Variants in PRDM10 observed in about 807,000 individuals in gnomAD.
PRDM10 encodes PR domain zinc finger protein 10.
PRDM10 carries 65 observed loss-of-function variants against 133.1 expected under a neutral mutation model. That is an observed-to-expected ratio of 0.49 (90% CI 0.40 to 0.60). The LOEUF (loss-of-function observed/expected upper bound fraction) is 0.60. Ranked by LOEUF, PRDM10 falls within the 20% of genes least tolerant of loss-of-function variation. The pLI is 0.00. For synonymous variants in PRDM10, 582 were observed against 580.4 expected (o/e 1.00, Z -0.04); for missense variants, 1,137 against 1,507.1 (o/e 0.75, Z 4.07).
intron 12 of PRDM10, among the ~76,000 whole-genome samples, chr11:129,924,065 AAG>A (rs1396767629): frequency 2.0e-5 from 3 of 152,258 alleles, no homozygotes. Context: ...TCCAATGAGA[AAG>A]AGCTGAGGAT....
chr11:129,942,300 A>C, intron 7 of PRDM10, 126 bp downstream of exon 7: 1 of 827,048 alleles, frequency 1.2e-6, no homozygotes, highest in Non-Finnish European at 1.9e-6. Flanking sequence ...GTATGTGAAT[A>C]ACCAGAAAAT....
intron 1 of PRDM10, among the ~76,000 whole-genome samples, chr11:129,993,701 G>T (rs1483622366): frequency 6.6e-6 from 1 of 152,078 alleles, no homozygotes; most frequent in Non-Finnish European, 1.5e-5. Context: ...AGCCAGGATG[G>T]TCTTGATCTC....
chr11:129,931,686 C>T (rs1165377155), intron 10 of PRDM10, among the ~76,000 whole-genome samples: 4 of 151,862 alleles, frequency 2.6e-5, no homozygotes, highest in Non-Finnish European at 5.9e-5. Flanking sequence ...CCTGCCTCCG[C>T]CTCCCGAGTA....
At chr11:129,988,554 G>A (rs749670379) in intron 1 of PRDM10, among the ~76,000 whole-genome samples, 19 of 150,772 alleles carry the variant, frequency 1.3e-4, no homozygotes, top group African/African-American at 9.8e-5. Context: ...TCTTAAATAA[G>A]TGAACTGCAT....
chr11:129,917,091 C>T, intron 15 of PRDM10, 36 bp downstream of exon 15: 2 of 1,492,128 alleles, frequency 1.3e-6, no homozygotes, highest in Non-Finnish European at 1.9e-6. Flanking sequence ...AGCAGGGAAC[C>T]CCAGTGGCAT....
chr11:129,958,263 CAA>C (rs1951733674), intron 2 of PRDM10, among the ~76,000 whole-genome samples: 2 of 152,146 alleles, frequency 1.3e-5, no homozygotes, highest in Non-Finnish European at 2.9e-5. Flanking sequence ...AAAAATACGT[CAA>C]GACTCAAAAG....
intron 4 of PRDM10, among the ~76,000 whole-genome samples, chr11:129,949,189 G>A (rs1176793583): frequency 6.6e-6 from 1 of 152,162 alleles, no homozygotes; most frequent in Admixed American, 6.5e-5. Context: ...TGCACCTCAG[G>A]GAAATAGACT....
At chr11:129,974,297 T>C (rs1937638894) in intron 1 of PRDM10, among the ~76,000 whole-genome samples, 1 of 151,026 alleles carries the variant, frequency 6.6e-6, no homozygotes, top group Non-Finnish European at 1.5e-5. Flanking sequence ...AAGAAGAAAC[T>C]AGGGGAAAGA....
chr11:129,902,265 T>A lies in PRDM10; in HGVS notation c.*48A>T. On this transcript the variant is annotated 3_prime_UTR_variant, in exon 21 of 21. Coordinates refer to ENST00000360871, the MANE Select transcript of PRDM10 (RefSeq NM_199437.2). ...CTACGTGTCAGAGCTTTCAGACTTA[T>A]GAGAACAGACATGAGGTGGGTGCTG... The A allele has an allele frequency of 6.3e-7, 1 of 1,588,022 alleles. No homozygotes were observed. The highest frequency in any genetic ancestry group is 8.6e-7 in the Non-Finnish European group (1 of 1,162,062).
intron 1 of PRDM10, among the ~76,000 whole-genome samples, chr11:129,996,746 G>A (rs1939084465): frequency 6.6e-6 from 1 of 152,236 alleles, no homozygotes; most frequent in Non-Finnish European, 1.5e-5. Context: ...ACAGTGGGAA[G>A]ACCAGTTTGA....
intron 1 of PRDM10, among the ~76,000 whole-genome samples, chr11:130,002,393 G>A (rs957021545): frequency 3.8e-4 from 58 of 152,122 alleles, no homozygotes; most frequent in Admixed American, 1.4e-3. Flanking sequence ...GCTGAACGCG[G>A]CGCCAGGAGG....
chr11:129,975,127 C>T (rs1253051111), intron 1 of PRDM10, among the ~76,000 whole-genome samples: 1 of 152,046 alleles, frequency 6.6e-6, no homozygotes, highest in Non-Finnish European at 1.5e-5. Context: ...GTACTTAATG[C>T]CACTAAATTT....
At chr11:129,935,268 G>T in intron 8 of PRDM10, 50 bp from the exon 9 acceptor site, 1 of 1,404,396 alleles carries the variant, frequency 7.1e-7, no homozygotes, top group Non-Finnish European at 1.0e-6. Context: ...ATAGACACCA[G>T]TAAAACTCAA....
chr11:129,973,633 G>A (rs1937621632), intron 1 of PRDM10, among the ~76,000 whole-genome samples: 1 of 152,024 alleles, frequency 6.6e-6, no homozygotes, highest in Admixed American at 6.6e-5. Flanking sequence ...TTACAATGTC[G>A]GTGATTTAAA....
intron 1 of PRDM10, among the ~76,000 whole-genome samples, chr11:129,980,606 G>A (rs188148349): frequency 9.0e-4 from 137 of 152,244 alleles, no homozygotes; most frequent in Admixed American, 1.8e-3. Flanking sequence ...ATGCATAAAC[G>A]AAATGTGGTA....
At chr11:129,936,682 G>C (rs1164501750) in intron 8 of PRDM10, among the ~76,000 whole-genome samples, 1 of 152,044 alleles carries the variant, frequency 6.6e-6, no homozygotes, top group African/African-American at 2.4e-5. Flanking sequence ...GCTTTTCCGA[G>C]TTCTGTGAGT....
intron 2 of PRDM10, among the ~76,000 whole-genome samples, chr11:129,959,907 C>G (rs1482279550): frequency 1.3e-5 from 2 of 151,664 alleles, no homozygotes; most frequent in African/African-American, 4.8e-5. Flanking sequence ...CATGCACCAC[C>G]ATGTCCGGCT....
intron 4 of PRDM10, among the ~76,000 whole-genome samples, chr11:129,955,234 T>C (rs1168022413): frequency 6.6e-6 from 1 of 152,200 alleles, no homozygotes; most frequent in Non-Finnish European, 1.5e-5. Flanking sequence ...ACCTCATGAT[T>C]ATTCTTTGGT....
chr11:129,915,790 C>A lies in PRDM10; in HGVS notation c.2396G>T (p.Ser799Ile), dbSNP rs1455973688. The A allele has an allele frequency of 6.2e-7, 1 of 1,614,094 alleles. No homozygotes were observed. The highest frequency in any genetic ancestry group is 8.5e-7 in the Non-Finnish European group (1 of 1,180,044). Residue 799 changes from serine (S) to isoleucine (I), a missense_variant, in exon 16 of 21, where the codon AGC becomes ATC. Around this residue, in one of 6 missense-constraint regions of PRDM10, gnomAD observed 65 missense variants for 151.1 expected, o/e 0.43. Coordinates refer to ENST00000360871, the MANE Select transcript of PRDM10 (RefSeq NM_199437.2). ...ACCAGCGGGTCGGAGCTTCCGAATG[C>A]TCGGTGGGAGCTCTGCTCCTGGGTG... ...KNHPGAELPP[S>I]IRKLRPAGPG...
Sources: gnomAD v4.1 joint callset for allele counts (sites outside exome capture counted in the v4.1 genomes callset) on GRCh38, gnomAD v4.1.1 for gene constraint, gnomAD v4.1.1 regional missense constraint, MANE v1.5 for transcripts, NCBI Gene and HGNC (gene_info 2026-07-23, HGNC 2026-07-21) for gene names.